CC2D2B: variants seen among roughly 807,000 people sequenced by gnomAD.
CC2D2B encodes coiled-coil and C2 domain containing 2B, also known as protein CC2D2B.
In CC2D2B, 128 loss-of-function variants were observed where a neutral mutation model predicts 161.2. That is an observed-to-expected ratio of 0.79 (90% CI 0.69 to 0.92). The LOEUF (loss-of-function observed/expected upper bound fraction) is 0.92, where lower values mean the gene tolerates loss of function less well. Among genes scored for constraint, CC2D2B ranks in the 40% least tolerant of loss-of-function variants. The probability of loss-of-function intolerance (pLI) is 0.00; values close to 1 mark genes in which losing one functional copy is unlikely to be tolerated. For synonymous variants in CC2D2B, 391 were observed against 449.8 expected (o/e 0.87, Z 1.65); for missense variants, 1,173 against 1,375.1 (o/e 0.85, Z 2.32).
chr10:96,030,051 G>A (rs1361774543), intron 34 of CC2D2B, among the ~76,000 whole-genome samples: 3 of 152,106 alleles, frequency 2.0e-5, no homozygotes, highest in Non-Finnish European at 4.4e-5. Context: ...GGGCTCAAAT[G>A]ATCCTCCAGC....
intron 2 of CC2D2B, among the ~76,000 whole-genome samples, chr10:95,911,985 G>A (rs2098507178): frequency 2.6e-5 from 4 of 152,192 alleles, no homozygotes; most frequent in Admixed American, 2.0e-4. Context: ...ACCTTATTCA[G>A]TAGTTTTTAA....
At chr10:95,934,048 C>T (rs149407347) in intron 6 of CC2D2B, among the ~76,000 whole-genome samples, 5,500 of 152,290 alleles carry the variant, frequency 0.036, 137 homozygotes, top group South Asian at 0.079. Context: ...CTGACTGGGG[C>T]TACTGCCTTT....
chr10:96,025,157 ATATATATAT>A (rs1564683607), intron 33 of CC2D2B, among the ~76,000 whole-genome samples: 9,407 of 30,762 alleles, frequency 0.31, 1,048 homozygotes, highest in Middle Eastern at 0.39. Flanking sequence ...AAAAAAAAAT[ATATATATAT>A]ATATATATAT....
chr10:95,989,209 C>T (rs979029306), intron 20 of CC2D2B, among the ~76,000 whole-genome samples: 3 of 152,182 alleles, frequency 2.0e-5, no homozygotes, highest in Non-Finnish European at 4.4e-5. Flanking sequence ...TGTCTGAAGA[C>T]CTGTTCTTAC....
At chr10:95,926,692 CAA>C (rs1590371391) in intron 5 of CC2D2B, among the ~76,000 whole-genome samples, 1 of 151,914 alleles carries the variant, frequency 6.6e-6, no homozygotes, top group Non-Finnish European at 1.5e-5. Flanking sequence ...TTTATCAATT[CAA>C]AGAGTCAGAC....
intron 12 of CC2D2B, 96 bp downstream of exon 12, chr10:95,962,065 G>A (rs2076777982): frequency 2.5e-6 from 2 of 792,202 alleles, no homozygotes; most frequent in Non-Finnish European, 3.4e-6. Context: ...CCAGAAGCTA[G>A]GCAACTATTC....
In CC2D2B at chr10:95,968,763, A is replaced by G; in HGVS notation, c.1506A>G (p.Lys502=). The G allele has an allele frequency of 1.6e-6, 2 of 1,214,390 alleles. No homozygotes were observed. The highest frequency in any genetic ancestry group is 2.1e-6 in the Non-Finnish European group (2 of 972,000). 75.2% of individuals were successfully genotyped at this position (1,214,390 alleles called of 1,614,324 possible). ...QKRRAKIQKL[K]YFIKIFYNNK... ...GAAGAGCCAAAATTCAGAAGCTCAA[A>G]TACTTTATTAAAATATTTTACAACA... Residue 502 remains lysine (K), a synonymous_variant, in exon 15 of 35, where the codon AAA becomes AAG. Coordinates refer to ENST00000646931, the MANE Select transcript of CC2D2B (RefSeq NM_001349008.3).
intron 29 of CC2D2B, among the ~76,000 whole-genome samples, chr10:96,015,102 G>T (rs1028724347): frequency 6.6e-6 from 1 of 151,480 alleles, no homozygotes; most frequent in Admixed American, 6.6e-5. Flanking sequence ...GTCTCGCTCT[G>T]TCGCCAGGCT....
chr10:95,992,808 C>T (rs2078006571), intron 22 of CC2D2B, 111 bp downstream of exon 22: 2 of 649,352 alleles, frequency 3.1e-6, no homozygotes, highest in Non-Finnish European at 4.4e-6. Flanking sequence ...GCTCCATATA[C>T]ATAAAATGAA....
At chr10:95,937,897 A>C in intron 6 of CC2D2B, 94 bp from the exon 7 acceptor site, 1 of 723,116 alleles carries the variant, frequency 1.4e-6, no homozygotes, top group Non-Finnish European at 2.3e-6. Flanking sequence ...TCAGACGCAC[A>C]GTTCACAGTA....
intron 6 of CC2D2B, among the ~76,000 whole-genome samples, chr10:95,933,657 G>A (rs1422610442): frequency 1.3e-5 from 2 of 152,142 alleles, no homozygotes; most frequent in African/African-American, 4.8e-5. Flanking sequence ...AGGTCTACTG[G>A]AGTTTGCTGG....
At chr10:95,959,141 AC>A (rs914346454) in intron 11 of CC2D2B, among the ~76,000 whole-genome samples, 10 of 152,238 alleles carry the variant, frequency 6.6e-5, no homozygotes, top group East Asian at 1.9e-4. Flanking sequence ...AAGAAAAAAA[AC>A]CTTAAGTAAT....
rs544030725 is a variant in CC2D2B at position 96,027,275 on chromosome 10, T to G, written c.4011T>G (p.Asn1337Lys). ...EWRPKHPTHW[N>K]RQCTFILRQI... ...GACCTAAACACCCAACACATTGGAATCGACAGTGTACTTTTATTTTGCGAC... is the reference window on the plus strand; with the variant it reads ...GACCTAAACACCCAACACATTGGAAGCGACAGTGTACTTTTATTTTGCGAC... The change falls in exon 34 of 35, where the codon AAT (asparagine) becomes AAG (lysine). Residue 1337 changes from asparagine to lysine, a missense_variant. By Grantham distance (94) the Asn-to-Lys change is moderately conservative (BLOSUM62 0). Coordinates refer to ENST00000646931, the MANE Select transcript of CC2D2B (RefSeq NM_001349008.3). The G allele has an allele frequency of 2.1e-4, 331 of 1,551,264 alleles. 4 individuals are homozygous for G. The South Asian group carries it at 2.2e-3, about 10-fold the overall frequency.
intron 2 of CC2D2B, among the ~76,000 whole-genome samples, chr10:95,914,779 A>G (rs1031122919): frequency 6.6e-6 from 1 of 152,148 alleles, no homozygotes; most frequent in Non-Finnish European, 1.5e-5. Context: ...TCTTTCCTTT[A>G]TAAATTACCC....
rs1344828071 is a variant in CC2D2B at position 95,966,354 on chromosome 10, AT to A, written c.1466+54del. On this transcript the variant is annotated intron_variant, in intron 14 of 34. Transcript: ENST00000646931. ...TTATTATATATTGTCTATTAATTGG[AT>A]TGTTTTTAATAATAAAGTGGGATTT... 6.1e-5 allele frequency: 40 copies of A among 660,650 alleles called. No homozygotes were observed. In the Admixed American group the frequency reaches 1.8e-3, roughly 29 times the overall value. 40.9% of individuals were successfully genotyped at this position (660,650 alleles called of 1,614,324 possible).
At chr10:95,927,070 A>C (rs552810602) in intron 5 of CC2D2B, among the ~76,000 whole-genome samples, 167 bp from the exon 6 acceptor site, 1 of 152,300 alleles carries the variant, frequency 6.6e-6, no homozygotes, top group South Asian at 2.1e-4. Flanking sequence ...ATAAAAACTC[A>C]TGAACCAAAC....
chr10:95,946,476 C>T (rs2063925978), intron 9 of CC2D2B, among the ~76,000 whole-genome samples: 2 of 152,168 alleles, frequency 1.3e-5, no homozygotes, highest in Admixed American at 1.3e-4. Context: ...CTTTAATTTT[C>T]AAAAGTTCAT....
intron 9 of CC2D2B, among the ~76,000 whole-genome samples, chr10:95,940,367 T>G (rs987640333): frequency 1.3e-5 from 2 of 152,174 alleles, no homozygotes; most frequent in African/African-American, 4.8e-5. Context: ...CTCTTAATTG[T>G]GCTTTTTGAT....
At position 95,958,970 on chromosome 10, in the gene CC2D2B, G is replaced by A. The variant is rs1023212152; in HGVS notation, c.1110-2859G>A. ...TGGGAAAGCTGATCAAGTGGAAAAA[G>A]TGAGACAGCACAAATATACAATGTC... On this transcript the variant is annotated intron_variant, in intron 11 of 34. Coordinates refer to ENST00000646931, the MANE Select transcript of CC2D2B (RefSeq NM_001349008.3). Among the ~76,000 whole-genome samples, 9 of 152,214 alleles carry A rather than the reference G, an allele frequency of 5.9e-5. No homozygotes were observed. In the South Asian group the frequency reaches 6.2e-4, roughly 11 times the overall value.
Sources: gnomAD v4.1 joint callset for allele counts (sites outside exome capture counted in the v4.1 genomes callset) on GRCh38, gnomAD v4.1.1 for gene constraint, MANE v1.5 for transcripts, NCBI Gene and HGNC (gene_info 2026-07-23, HGNC 2026-07-21) for gene names.